GSN: variants seen among roughly 807,000 people sequenced by gnomAD.
GSN encodes gelsolin, also known as actin-depolymerizing factor.
Under a neutral mutation model 85.7 loss-of-function variants are expected in GSN, and 56 were observed. That is an observed-to-expected ratio of 0.65 (90% CI 0.53 to 0.82). The LOEUF is 0.82. Ranked by LOEUF, GSN falls within the 40% of genes least tolerant of loss-of-function variation. GSN has a pLI of 0.00. For synonymous variants in GSN, 373 were observed against 399.1 expected, an observed-to-expected ratio of 0.93 and a Z score of 0.78; for missense variants, 857 against 979.8, an observed-to-expected ratio of 0.87 and a Z score of 1.67.
In GSN at chr9:121,299,100, G is replaced by A. The variant is rs1023029081; in HGVS notation, c.-9-2863G>A. ...GTTGCCCCTGGGGAGAGGTAAATGT[G>A]ATGGAGAGGGAACAACTGTGTACAA... On this transcript the variant is annotated intron_variant, in intron 2 of 17. Transcript: ENST00000432226. The surrounding 1 kb of genome is among the most constrained non-coding windows in gnomAD (Gnocchi z 4.2). 1.3e-5 allele frequency among the ~76,000 whole-genome samples: 2 copies of A among 152,214 alleles called. No homozygotes were observed. Among genetic ancestry groups the A allele is most frequent in the Non-Finnish European group, 2.9e-5 (2 of 68,038 alleles).
chr9:121,291,509 C>T (rs1373005451), intron 2 of GSN, among the ~76,000 whole-genome samples: 6 of 149,572 alleles, frequency 4.0e-5, no homozygotes, highest in African/African-American at 7.4e-5. Context: ...ACCTCCATCT[C>T]GTGGGTTCAA....
At chr9:121,252,623 A>G (rs1399443358) in intron 6 of GSN, among the ~76,000 whole-genome samples, 3 of 152,192 alleles carry the variant, frequency 2.0e-5, no homozygotes, top group East Asian at 1.9e-4. Context: ...GCTCTCCCTT[A>G]GCTTTCCTGC....
intron 6 of GSN, among the ~76,000 whole-genome samples, chr9:121,253,150 A>G (rs2054875425): frequency 6.6e-6 from 1 of 152,180 alleles, no homozygotes; most frequent in Non-Finnish European, 1.5e-5. Context: ...CTCTACTCTC[A>G]TAACCGAATT....
chr9:121,279,419 C>G lies in GSN; in HGVS notation c.-102-2051C>G, dbSNP rs186657351. 2.0e-5 allele frequency among the ~76,000 whole-genome samples: 3 copies of G among 152,086 alleles called. No homozygotes were observed. The East Asian group carries it at 5.8e-4, about 29-fold the overall frequency. ...TGCAGGAGGATCAGTTAGGAAGGTT[C>G]TGCAGTCATGCAGGCAAGAGGTGAT... On this transcript the variant is annotated intron_variant, in intron 1 of 17. Coordinates refer to ENST00000432226, the MANE Select transcript of GSN (RefSeq NM_198252.3).
chr9:121,272,455 A>G (rs1374164891), intron 1 of GSN, among the ~76,000 whole-genome samples: 3 of 152,170 alleles, frequency 2.0e-5, no homozygotes, highest in African/African-American at 4.8e-5. Context: ...CCCAGCTCTG[A>G]TGGCCTCTGA....
At chr9:121,313,684 G>A in intron 6 of GSN, 2 of 567,252 alleles carry the variant, frequency 3.5e-6, no homozygotes, top group South Asian at 2.0e-5. Flanking sequence ...AATATCTGAA[G>A]CGCTGTCTGG....
At chr9:121,237,807 A>T (rs2054525740) in intron 5 of GSN, among the ~76,000 whole-genome samples, 1 of 152,220 alleles carries the variant, frequency 6.6e-6, no homozygotes, top group Admixed American at 6.5e-5. Flanking sequence ...GATAATGAGG[A>T]CATTATTAGG....
Position 121,329,356 on chromosome 9 carries a change from G to T in GSN, c.1965+41G>T, listed in dbSNP as rs564915674. ...GTGAAGGCTCTCTGTGCCAGAGGGA[G>T]TGGGAGAAACTAGACTTCCAGTTCT... On this transcript the variant is annotated intron_variant, in intron 16 of 17. Coordinates refer to ENST00000432226, the MANE Select transcript of GSN (RefSeq NM_198252.3). This position sits in a 1 kb window ranked among gnomAD's most constrained non-coding sequence, Gnocchi z 4.6. The T allele has an allele frequency of 1.1e-5, 13 of 1,185,224 alleles. No homozygotes were observed. In the South Asian group the frequency reaches 1.5e-4, roughly 13 times the overall value. 73.4% of individuals were successfully genotyped at this position (1,185,224 alleles called of 1,614,324 possible).
intron 5 of GSN, 126 bp downstream of exon 5, chr9:121,310,971 C>A: frequency 1.2e-6 from 1 of 820,232 alleles, no homozygotes; most frequent in Non-Finnish European, 2.0e-6. Context: ...CAGCATTGTT[C>A]ACGTACAGAT....
chr9:121,246,700 C>G (rs927254634), intron 5 of GSN, among the ~76,000 whole-genome samples: 1 of 152,182 alleles, frequency 6.6e-6, no homozygotes, highest in Non-Finnish European at 1.5e-5. Flanking sequence ...CTGTCTATCA[C>G]CACCCTCTCA....
chr9:121,318,979 C>A lies in GSN; in HGVS notation c.1191+99C>A. On this transcript the variant is annotated intron_variant, in intron 10 of 17. Transcript: ENST00000432226. This position sits in a 1 kb window ranked among gnomAD's most constrained non-coding sequence, Gnocchi z 4.3. ...CAAGGAGGTTTCTCTCTGAGGTTTGCACAACTTTGGTAGCTGAGATTCTTT... is the reference window on the plus strand; with the variant it reads ...CAAGGAGGTTTCTCTCTGAGGTTTGAACAACTTTGGTAGCTGAGATTCTTT... 1 of 973,706 alleles carries A rather than the reference C, an allele frequency of 1.0e-6. No homozygotes were observed. Among genetic ancestry groups the A allele is most frequent in the Non-Finnish European group, 1.6e-6 (1 of 618,380 alleles). 60.3% of individuals were successfully genotyped at this position (973,706 alleles called of 1,614,324 possible).
chr9:121,206,053 A>G (rs1003743559), upstream of GSN, among the ~76,000 whole-genome samples: 5 of 152,080 alleles, frequency 3.3e-5, no homozygotes, highest in Admixed American at 3.3e-4. Flanking sequence ...CCACACTCAG[A>G]CTTTAAAATA....
In GSN at chr9:121,327,435, G is replaced by T; in HGVS notation, c.1715G>T (p.Arg572Met). The change falls in exon 14 of 18, where the codon AGG (arginine) becomes ATG (methionine). Residue 572 changes from arginine to methionine, a missense_variant. Arg to Met is a moderately conservative substitution (Grantham distance 91). Transcript: ENST00000432226. ...AEKTGAQELL[R>M]VLRAQPVQVA... ...AAGACGGGGGCCCAGGAGCTGCTCA[G>T]GGTGCTGCGGGCCCAACCTGTGCAG... 6.2e-7 allele frequency: 1 copy of T among 1,602,740 alleles called. No homozygotes were observed. Among genetic ancestry groups the T allele is most frequent in the Non-Finnish European group, 8.5e-7 (1 of 1,174,302 alleles).
At chr9:121,313,546 C>G (rs1346404319) in intron 6 of GSN, 1 of 310,918 alleles carries the variant, frequency 3.2e-6, no homozygotes, top group Non-Finnish European at 6.3e-6. Flanking sequence ...CCTCAGATTC[C>G]TCTTCTGTAA....
chr9:121,286,285 A>ACCAG, intron 2 of GSN: 1 of 745,444 alleles, frequency 1.3e-6, no homozygotes. Context: ...CTAGTTCAAC[A>ACCAG]CCAGCCAGGC....
At chr9:121,328,071 T>C (rs1226175423) in intron 14 of GSN, among the ~76,000 whole-genome samples, 1 of 152,134 alleles carries the variant, frequency 6.6e-6, no homozygotes, top group East Asian at 1.9e-4. Flanking sequence ...CCTTGAAAGG[T>C]GGTAGGCAGG....
intron 2 of GSN, chr9:121,286,721 T>TA: frequency 1.3e-6 from 2 of 1,535,444 alleles, no homozygotes; most frequent in Non-Finnish European, 1.7e-6. Flanking sequence ...TCATTCTCCT[T>TA]ACCTGTCTGA....
intron 4 of GSN, among the ~76,000 whole-genome samples, chr9:121,213,725 GC>G (rs1408870590): frequency 1.3e-5 from 2 of 152,122 alleles, no homozygotes; most frequent in African/African-American, 2.4e-5. Context: ...TTTGAGATCA[GC>G]CCTTAGAGCC....
intron 4 of GSN, among the ~76,000 whole-genome samples, chr9:121,306,883 A>AAG (rs1187586608): frequency 6.6e-6 from 1 of 152,202 alleles, no homozygotes; most frequent in African/African-American, 2.4e-5. Flanking sequence ...ATTCAACATC[A>AAG]AGAGTTATGT....
Sources: allele counts gnomAD v4.1 joint callset (sites outside exome capture counted in the v4.1 genomes callset), GRCh38; gene constraint gnomAD v4.1.1; non-coding constraint Gnocchi (gnomAD v3.1); transcripts MANE v1.5; gene names NCBI Gene and HGNC (gene_info 2026-07-23, HGNC 2026-07-21).